CFH: variants seen among roughly 807,000 people sequenced by gnomAD.
CFH encodes H factor 1 (complement).
Under a neutral mutation model 147.3 loss-of-function variants are expected in CFH, and 53 were observed. That is an observed-to-expected ratio of 0.36 (90% confidence interval 0.29 to 0.45). The LOEUF (loss-of-function observed/expected upper bound fraction) is 0.45, where lower values mean the gene tolerates loss of function less well. Ranked by LOEUF, CFH falls within the 20% of genes least tolerant of loss-of-function variation. The pLI is 1.00. For missense variants in CFH, 1,380 were observed against 1,498.0 expected (o/e 0.92, Z 1.30); for synonymous variants, 536 against 489.4 (o/e 1.10, Z -1.26).
At chr1:196,736,165 C>T (rs1669397331) in intron 15 of CFH, among the ~76,000 whole-genome samples, 1 of 152,016 alleles carries the variant, frequency 6.6e-6, no homozygotes. Context: ...GATTATACAA[C>T]TAAAGCCAGG....
intron 1 of CFH, among the ~76,000 whole-genome samples, chr1:196,654,897 G>T (rs899686238): frequency 6.6e-6 from 1 of 152,060 alleles, no homozygotes; most frequent in Non-Finnish European, 1.5e-5. Context: ...TGATAAATAA[G>T]AATTCCCCTT....
At chr1:196,692,782 CTTTCTTTCTT>C (rs1668098527) in intron 9 of CFH, among the ~76,000 whole-genome samples, 1 of 86,336 alleles carries the variant, frequency 1.2e-5, no homozygotes, top group Non-Finnish European at 2.2e-5. Context: ...TTCTTTCTTT[CTTTCTTTCTT>C]TCTTTCTTTC....
At chr1:196,707,315 C>T (rs1329920416) in intron 9 of CFH, among the ~76,000 whole-genome samples, 1 of 152,114 alleles carries the variant, frequency 6.6e-6, no homozygotes, top group Admixed American at 6.5e-5. Context: ...TCTTCCGTTA[C>T]CTTCTCAGAC....
intron 19 of CFH, among the ~76,000 whole-genome samples, chr1:196,742,905 A>G (rs977364076): frequency 2.6e-5 from 4 of 152,118 alleles, no homozygotes; most frequent in African/African-American, 7.2e-5. Context: ...CACATCTCCA[A>G]TTTGGATCCT....
At chr1:196,733,722 C>T (rs978602893) in intron 15 of CFH, among the ~76,000 whole-genome samples, 1 of 152,002 alleles carries the variant, frequency 6.6e-6, no homozygotes, top group African/African-American at 2.4e-5. Flanking sequence ...AAAGTTAGGG[C>T]ACTCAAGTTT....
chr1:196,669,237 G>T (rs1188688354), intron 1 of CFH, among the ~76,000 whole-genome samples: 1 of 152,156 alleles, frequency 6.6e-6, no homozygotes. Context: ...GAGCATAAAA[G>T]TTTGGAAAAT....
intron 2 of CFH, 151 bp downstream of exon 2, chr1:196,673,314 T>C: frequency 1.3e-6 from 1 of 749,150 alleles, no homozygotes; most frequent in Non-Finnish European, 2.1e-6. Flanking sequence ...TGAGATGGAG[T>C]CTGGCTCTGT....
chr1:196,728,086 A>G (rs1451985013), intron 14 of CFH, among the ~76,000 whole-genome samples: 2 of 152,080 alleles, frequency 1.3e-5, no homozygotes, highest in African/African-American at 4.8e-5. Flanking sequence ...TGAAATATCC[A>G]ATGATATTTT....
At chr1:196,703,768 A>G (rs1668518406) in intron 9 of CFH, among the ~76,000 whole-genome samples, 1 of 151,886 alleles carries the variant, frequency 6.6e-6, no homozygotes, top group Admixed American at 6.6e-5. Flanking sequence ...GCAGATCACA[A>G]GGTCAGGAGA....
chr1:196,736,349 A>G (rs961262276), intron 15 of CFH, among the ~76,000 whole-genome samples: 4 of 152,092 alleles, frequency 2.6e-5, no homozygotes, highest in African/African-American at 9.7e-5. Flanking sequence ...CAAATTGATT[A>G]TTAACTACAT....
rs984318414 is a variant in CFH, at chr1:196,660,729, T to C, written c.58+8554T>C. On this transcript the variant is annotated intron_variant, in intron 1 of 21. Transcript: ENST00000367429. Reference sequence around the variant, plus strand: ...AGGTAATCAATATGATAATTCTTTATATATAGTAAACATATTCACAGAGTA... The same window carrying C: ...AGGTAATCAATATGATAATTCTTTACATATAGTAAACATATTCACAGAGTA... 5.3e-5 allele frequency among the ~76,000 whole-genome samples: 8 copies of C among 152,334 alleles called. No individual in the cohort carries two copies. The East Asian group carries it at 1.3e-3, about 26-fold the overall frequency.
chr1:196,667,485 TGCTTGA>T (rs1667140577), intron 1 of CFH, among the ~76,000 whole-genome samples: 1 of 152,240 alleles, frequency 6.6e-6, no homozygotes, highest in African/African-American at 2.4e-5. Context: ...AATTATCATT[TGCTTGA>T]TATTAATACA....
chr1:196,723,968 G>A (rs35612319), intron 11 of CFH, among the ~76,000 whole-genome samples: 2,003 of 152,084 alleles, frequency 0.013, 48 homozygotes, highest in African/African-American at 0.045. Context: ...GTGCCCAAGC[G>A]CTGGGACCAT....
chr1:196,676,009 T>C lies in CFH; in HGVS notation c.371T>C (p.Ile124Thr). The stretch of plus-strand genomic sequence containing the variant: ...TTCAGGTATCAATTGCTAGGTGAGA[T>C]TAATTACCGTGAATGTGACACAGAT... ...CNEGYQLLGE[I>T]NYRECDTDGW... The change falls in exon 4 of 22, where the codon ATT becomes ACT. Residue 124 changes from isoleucine to threonine, a missense_variant. Ile to Thr is a moderately conservative substitution (Grantham distance 89, BLOSUM62 -1). Transcript: ENST00000367429. The C allele has an allele frequency of 6.2e-7, 1 of 1,610,656 alleles. No homozygotes were observed. The highest frequency in any genetic ancestry group is 8.5e-7 in the Non-Finnish European group (1 of 1,177,402).
chr1:196,734,477 C>T (rs904216416), intron 15 of CFH, among the ~76,000 whole-genome samples: 2 of 152,068 alleles, frequency 1.3e-5, no homozygotes, highest in Non-Finnish European at 2.9e-5. Flanking sequence ...CTTTAGGATG[C>T]TCCCCCAAAA....
intron 15 of CFH, 123 bp from the exon 16 acceptor site, chr1:196,736,701 T>C: frequency 2.6e-6 from 1 of 377,498 alleles, no homozygotes; most frequent in Non-Finnish European, 4.0e-6. Flanking sequence ...ATGAAACAGT[T>C]ATTGATCTTT....
chr1:196,705,944 T>A (rs1406232552), intron 9 of CFH, among the ~76,000 whole-genome samples: 1 of 152,142 alleles, frequency 6.6e-6, no homozygotes, highest in Non-Finnish European at 1.5e-5. Flanking sequence ...TGATTGCATA[T>A]AAATTACTGA....
At chr1:196,714,659 A>T (rs1326163959) in intron 10 of CFH, among the ~76,000 whole-genome samples, 1 of 57,368 alleles carries the variant, frequency 1.7e-5, no homozygotes, top group Non-Finnish European at 3.4e-5. Context: ...ATATATATAT[A>T]TATATATATA....
In CFH at chr1:196,745,925, A is replaced by G. The variant is rs1652987844; in HGVS notation, c.3419A>G (p.Asn1140Ser). Residue 1140 changes from asparagine (N) to serine (S), a missense_variant, in exon 21 of 22, where the codon AAC becomes AGC. Coordinates refer to ENST00000367429, the MANE Select transcript of CFH (RefSeq NM_000186.4). ...PASSVEYQCQNLYQLEGNKRI... is the reference protein window; with the variant it reads ...PASSVEYQCQSLYQLEGNKRI... ...TCATCAGTTGAGTACCAATGCCAGAACTTGTATCAACTTGAGGGTAACAAG... is the reference window on the plus strand; with the variant it reads ...TCATCAGTTGAGTACCAATGCCAGAGCTTGTATCAACTTGAGGGTAACAAG... 1 of 1,614,022 alleles carries G rather than the reference A, an allele frequency of 6.2e-7. No individual in the cohort carries two copies. The highest frequency in any genetic ancestry group is 1.7e-5 in the Admixed American group (1 of 60,002).
Sources: allele counts gnomAD v4.1 joint callset (sites outside exome capture counted in the v4.1 genomes callset), GRCh38; gene constraint gnomAD v4.1.1; transcripts MANE v1.5; gene names NCBI Gene and HGNC (gene_info 2026-07-23, HGNC 2026-07-21).